The following ADCYAP1R1 variants were observed in gnomAD, a reference collection of about 807,000 sequenced individuals.
ADCYAP1R1 encodes pituitary adenylate cyclase-activating polypeptide type I receptor.
Under a neutral mutation model 67.6 loss-of-function variants are expected in ADCYAP1R1, and 44 were observed. That is an observed-to-expected ratio of 0.65 (90% CI 0.51 to 0.84). ADCYAP1R1 has a LOEUF of 0.84. Ranked by LOEUF, ADCYAP1R1 falls within the 40% of genes least tolerant of loss-of-function variation. The probability of loss-of-function intolerance (pLI) is 0.00; values close to 1 mark genes in which losing one functional copy is unlikely to be tolerated. For synonymous variants in ADCYAP1R1, 222 were observed against 219.6 expected (o/e 1.01, Z -0.10); for missense variants, 477 against 587.9 (o/e 0.81, Z 1.95).
chr7:31,078,807 C>T (rs998868749), intron 4 of ADCYAP1R1, among the ~76,000 whole-genome samples: 11 of 152,296 alleles, frequency 7.2e-5, no homozygotes, highest in South Asian at 4.1e-4. Context: ...GTGCCACACA[C>T]GGGGAGCAGT....
intron 3 of ADCYAP1R1, among the ~76,000 whole-genome samples, chr7:31,068,097 G>C (rs936613951): frequency 2.0e-5 from 3 of 152,186 alleles, no homozygotes; most frequent in African/African-American, 7.2e-5. Context: ...CGTTCCGCTG[G>C]GGAAGGGTGG....
At chr7:31,092,857 ATCT>A (rs892082326) in intron 13 of ADCYAP1R1, 122 bp downstream of exon 13, 1 of 686,352 alleles carries the variant, frequency 1.5e-6, no homozygotes, top group African/African-American at 1.8e-5. Context: ...GCATTTGCAG[ATCT>A]TCTTCTGATT....
chr7:31,081,979 A>T (rs992436892), intron 6 of ADCYAP1R1, among the ~76,000 whole-genome samples: 1 of 152,226 alleles, frequency 6.6e-6, no homozygotes, highest in Non-Finnish European at 1.5e-5. Context: ...GATGTCTTAG[A>T]GTCCCTTTGT....
chr7:31,068,707 G>A (rs1333556952), intron 3 of ADCYAP1R1, among the ~76,000 whole-genome samples: 2 of 152,174 alleles, frequency 1.3e-5, no homozygotes, highest in African/African-American at 4.8e-5. Flanking sequence ...AGGCCCCTGG[G>A]GAGGCTGTCC....
intron 1 of ADCYAP1R1, among the ~76,000 whole-genome samples, chr7:31,061,030 G>T (rs564330529): frequency 6.5e-4 from 99 of 152,318 alleles, no homozygotes; most frequent in African/African-American, 2.4e-3. Context: ...ACTGGGGTCA[G>T]AGGTTAGGGC....
At position 31,062,669 on chromosome 7, in the gene ADCYAP1R1, G is replaced by A. The variant is rs551124904; in HGVS notation, c.-71-525G>A. Among the ~76,000 whole-genome samples the A allele has an allele frequency of 6.6e-5, 10 of 152,322 alleles. No homozygotes were observed. In the East Asian group the frequency reaches 1.9e-3, roughly 29 times the overall value. ...CGTCCACACTGTCAAAGTGGGGTTT[G>A]TTATTTGGGAAGGGTTAAAGAGCAA... On this transcript the variant is annotated intron_variant, in intron 1 of 15. Transcript: ENST00000304166.
At chr7:31,064,743 C>A (rs141914002) in intron 2 of ADCYAP1R1, 88 bp from the exon 3 acceptor site, 9 of 1,100,730 alleles carry the variant, frequency 8.2e-6, no homozygotes, top group African/African-American at 7.8e-5. Flanking sequence ...CCCACTCCCC[C>A]CAAGACACTG....
chr7:31,096,562 C>T (rs932931780), intron 13 of ADCYAP1R1, among the ~76,000 whole-genome samples: 22 of 152,176 alleles, frequency 1.4e-4, no homozygotes, highest in African/African-American at 5.3e-4. Context: ...TAAGATGACC[C>T]AGCAGTCAGT....
chr7:31,104,828 C>T (rs1006489184), intron 14 of ADCYAP1R1, 40 bp from the exon 15 acceptor site: 9 of 1,611,430 alleles, frequency 5.6e-6, no homozygotes, highest in Non-Finnish European at 6.8e-6. Flanking sequence ...TTCAGAAAGT[C>T]CTTTGCTAGC....
At chr7:31,104,994 G>C in intron 15 of ADCYAP1R1, 85 bp downstream of exon 15, 5 of 1,374,926 alleles carry the variant, frequency 3.6e-6, no homozygotes, top group Non-Finnish European at 5.2e-6. Context: ...TGGCCACATG[G>C]GACTGACTCT....
At chr7:31,104,448 T>C (rs1010016807) in intron 14 of ADCYAP1R1, among the ~76,000 whole-genome samples, 7 of 152,128 alleles carry the variant, frequency 4.6e-5, no homozygotes, top group African/African-American at 1.2e-4. Flanking sequence ...GGAGGGCAGA[T>C]TGGGGAGATG....
chr7:31,070,323 C>T (rs1794919533), intron 3 of ADCYAP1R1, among the ~76,000 whole-genome samples: 1 of 152,192 alleles, frequency 6.6e-6, no homozygotes, highest in African/African-American at 2.4e-5. Context: ...TCGGTGTGGT[C>T]CTCCATGGGG....
intron 12 of ADCYAP1R1, among the ~76,000 whole-genome samples, chr7:31,090,106 A>G (rs1795903885): frequency 6.6e-6 from 1 of 152,114 alleles, no homozygotes; most frequent in Non-Finnish European, 1.5e-5. Flanking sequence ...GTTATTCTGG[A>G]ACTGGTCTAT....
At chr7:31,070,980 C>G (rs891397630) in intron 3 of ADCYAP1R1, among the ~76,000 whole-genome samples, 2 of 152,204 alleles carry the variant, frequency 1.3e-5, no homozygotes, top group Non-Finnish European at 2.9e-5. Context: ...TTTCATGGAA[C>G]AGAAACATTG....
intron 4 of ADCYAP1R1, among the ~76,000 whole-genome samples, chr7:31,078,860 G>C (rs920666398): frequency 6.6e-6 from 1 of 152,206 alleles, no homozygotes; most frequent in African/African-American, 2.4e-5. Context: ...GCTTGGAGGC[G>C]CGGGTGTGCG....
intron 13 of ADCYAP1R1, among the ~76,000 whole-genome samples, chr7:31,094,135 A>G (rs980852244): frequency 2.0e-5 from 3 of 152,058 alleles, no homozygotes; most frequent in Admixed American, 6.5e-5. Flanking sequence ...TTTTTTTCCT[A>G]TCCATTTACT....
At chr7:31,103,430 A>G in intron 14 of ADCYAP1R1, 64 bp downstream of exon 14, 3 of 1,608,834 alleles carry the variant, frequency 1.9e-6, no homozygotes, top group Middle Eastern at 3.3e-4. Flanking sequence ...CTCACCTGCA[A>G]GTGGTGCTGG....
chr7:31,102,487 A>G lies in ADCYAP1R1; in HGVS notation c.1047-750A>G, dbSNP rs1796478900. Among the ~76,000 whole-genome samples, 1 of 152,206 alleles carries G rather than the reference A, an allele frequency of 6.6e-6. No individual in the cohort carries two copies. Among genetic ancestry groups the G allele is most frequent in the Non-Finnish European group, 1.5e-5 (1 of 68,040 alleles). On this transcript the variant is annotated intron_variant, in intron 13 of 15. Transcript: ENST00000304166. The surrounding 1 kb of genome is among the most constrained non-coding windows in gnomAD (Gnocchi z 4.3). ...CAGAACAGAGCCCCACCGTGCTGTC[A>G]GCCTAGGGCCAGAGGCAGGCAGGGG...
intron 3 of ADCYAP1R1, among the ~76,000 whole-genome samples, chr7:31,075,107 G>A (rs1795153617): frequency 6.6e-6 from 1 of 152,082 alleles, no homozygotes. Flanking sequence ...CCTTCCCAGG[G>A]GTCCTCTGGA....
Sources: allele counts gnomAD v4.1 joint callset (sites outside exome capture counted in the v4.1 genomes callset), GRCh38; gene constraint gnomAD v4.1.1; non-coding constraint Gnocchi (gnomAD v3.1); transcripts MANE v1.5; gene names NCBI Gene and HGNC (gene_info 2026-07-23, HGNC 2026-07-21).